AKR1C8: variants seen among roughly 807,000 people sequenced by gnomAD.
The protein encoded by AKR1C8 is aldo-keto reductase family 1 member C-like protein 1.
At chr10:5,175,744 T>C in the AKR1C8 span, among the ~76,000 whole-genome samples, 2 of 152,246 alleles carry the variant, frequency 1.3e-5, no homozygotes, top group African/African-American at 2.4e-5. Context: ...GAGCATTTTT[T>C]CATGTGTTTT....
chr10:5,124,239 T>C, the AKR1C8 span, among the ~76,000 whole-genome samples: 1 of 152,186 alleles, frequency 6.6e-6, no homozygotes, highest in Admixed American at 6.5e-5. Flanking sequence ...GTAATGTTTG[T>C]ATAGATTTGA....
At chr10:5,161,057 A>G in the AKR1C8 span, among the ~76,000 whole-genome samples, 1 of 152,084 alleles carries the variant, frequency 6.6e-6, no homozygotes, top group East Asian at 1.9e-4. Flanking sequence ...ATGTGTGTAT[A>G]TATATGTGTG....
chr10:5,146,861 G>A, the AKR1C8 span, among the ~76,000 whole-genome samples: 1 of 152,150 alleles, frequency 6.6e-6, no homozygotes, highest in Admixed American at 6.5e-5. Flanking sequence ...TGTCACTAAT[G>A]GTATGTCTGT....
At chr10:5,145,791 G>A in the AKR1C8 span, among the ~76,000 whole-genome samples, 24 of 152,206 alleles carry the variant, frequency 1.6e-4, no homozygotes, top group East Asian at 3.9e-4. Context: ...TCAGTGTGGC[G>A]ATTCCTCAGG....
the AKR1C8 span, among the ~76,000 whole-genome samples, chr10:5,173,944 A>T: frequency 6.6e-6 from 1 of 152,072 alleles, no homozygotes; most frequent in African/African-American, 2.4e-5. Context: ...CCCTAAGATG[A>T]CTTCTGATGA....
chr10:5,161,776 C>A, the AKR1C8 span: 1 of 534,704 alleles, frequency 1.9e-6, no homozygotes, highest in Non-Finnish European at 3.8e-6. Context: ...CCCTGGAAAC[C>A]AAGCTAGAAT....
chr10:5,171,941 T>C, the AKR1C8 span, among the ~76,000 whole-genome samples: 1 of 152,166 alleles, frequency 6.6e-6, no homozygotes, highest in African/African-American at 2.4e-5. Context: ...ACATAAACTG[T>C]TTCTTCAATA....
the AKR1C8 span, among the ~76,000 whole-genome samples, chr10:5,129,886 G>T: frequency 6.6e-6 from 1 of 151,846 alleles, no homozygotes; most frequent in South Asian, 2.1e-4. Context: ...CAAAAAGATA[G>T]AGAGAGACGG....
chr10:5,167,606 G>C, the AKR1C8 span, among the ~76,000 whole-genome samples: 1 of 152,194 alleles, frequency 6.6e-6, no homozygotes, highest in African/African-American at 2.4e-5. Flanking sequence ...GACACAGGAA[G>C]GGGAACAACA....
At chr10:5,163,226 T>G in the AKR1C8 span, among the ~76,000 whole-genome samples, 2 of 152,186 alleles carry the variant, frequency 1.3e-5, no homozygotes, top group Non-Finnish European at 2.9e-5. Context: ...GAAATTGGCT[T>G]CACCCTGGAG....
chr10:5,138,945 A>G, the AKR1C8 span, among the ~76,000 whole-genome samples: 1 of 152,224 alleles, frequency 6.6e-6, no homozygotes, highest in Admixed American at 6.5e-5. Flanking sequence ...TAAGCTGATA[A>G]GCAACTTCAG....
At chr10:5,137,314 C>A in the AKR1C8 span, among the ~76,000 whole-genome samples, 11 of 152,170 alleles carry the variant, frequency 7.2e-5, no homozygotes, top group East Asian at 2.1e-3. Context: ...AATTTTAGAC[C>A]AATATCCCTG....
the AKR1C8 span, among the ~76,000 whole-genome samples, chr10:5,152,839 C>T: frequency 6.6e-6 from 1 of 152,072 alleles, no homozygotes; most frequent in Non-Finnish European, 1.5e-5. Context: ...TTTCTCTTAG[C>T]CCCTAAAGCT....
chr10:5,144,835 C>T, the AKR1C8 span, among the ~76,000 whole-genome samples: 1 of 152,170 alleles, frequency 6.6e-6, no homozygotes, highest in Non-Finnish European at 1.5e-5. Context: ...ATTTGACTTC[C>T]TCTTTTCTTA....
At chr10:5,147,092 T>C in the AKR1C8 span, among the ~76,000 whole-genome samples, 1 of 152,168 alleles carries the variant, frequency 6.6e-6, no homozygotes, top group Non-Finnish European at 1.5e-5. Flanking sequence ...CTTCCATTCA[T>C]GGCAAAAGGA....
the AKR1C8 span, among the ~76,000 whole-genome samples, chr10:5,146,141 T>G: frequency 7.4e-6 from 1 of 135,370 alleles, no homozygotes; most frequent in Non-Finnish European, 1.5e-5. Flanking sequence ...AGGTGGGAAT[T>G]GAACAATGAG....
At chr10:5,139,292 A>C in the AKR1C8 span, among the ~76,000 whole-genome samples, 1 of 152,228 alleles carries the variant, frequency 6.6e-6, no homozygotes, top group African/African-American at 2.4e-5. Context: ...CAGAATTGGA[A>C]AAAACTACTT....
At chr10:5,177,959 T>G in the AKR1C8 span, among the ~76,000 whole-genome samples, 1 of 152,140 alleles carries the variant, frequency 6.6e-6, no homozygotes, top group Non-Finnish European at 1.5e-5. Flanking sequence ...TTTTGAAGGG[T>G]TTTTTGTGTC....
chr10:5,124,657 A>T, the AKR1C8 span, among the ~76,000 whole-genome samples: 1 of 152,176 alleles, frequency 6.6e-6, no homozygotes, highest in Admixed American at 6.6e-5. Context: ...ACAAAAAATT[A>T]AAACATCATT....
Sources: allele counts gnomAD v4.1 joint callset (sites outside exome capture counted in the v4.1 genomes callset), GRCh38; gene constraint gnomAD v4.1.1; transcripts MANE v1.5; gene names NCBI Gene and HGNC (gene_info 2026-07-23, HGNC 2026-07-21).